Variants in PCDHGA9 observed in about 807,000 individuals in gnomAD.
The protein encoded by PCDHGA9 is protocadherin gamma subfamily A, 9, also known as protocadherin gamma-A9.
A neutral mutation model predicts 62.5 loss-of-function variants in PCDHGA9; 37 were observed. The observed-to-expected ratio is 0.59, with a 90% confidence interval of 0.46 to 0.78. The LOEUF (loss-of-function observed/expected upper bound fraction) is 0.78. Among genes scored for constraint, PCDHGA9 ranks in the 30% least tolerant of loss-of-function variants. The probability of loss-of-function intolerance (pLI) is 0.00; values close to 1 mark genes in which losing one functional copy is unlikely to be tolerated. For synonymous variants in PCDHGA9, 459 were observed against 484.6 expected, an observed-to-expected ratio of 0.95 and a Z score of 0.69; for missense variants, 1,138 against 1,166.2, an observed-to-expected ratio of 0.98 and a Z score of 0.35.
chr5:141,509,068 G>T (rs1267011061), intron 3 of PCDHGA9, among the ~76,000 whole-genome samples: 1 of 152,144 alleles, frequency 6.6e-6, no homozygotes, highest in Non-Finnish European at 1.5e-5. Context: ...TCTCAGCTCC[G>T]GGGATTTGCG....
intron 1 of PCDHGA9, chr5:141,471,515 T>C (rs931181988): frequency 2.6e-5 from 4 of 152,276 alleles, no homozygotes; most frequent in African/African-American, 9.6e-5. Context: ...GGAGTAAAAA[T>C]AACAGCGAGG....
At chr5:141,510,322 A>G (rs62379243) in intron 3 of PCDHGA9, among the ~76,000 whole-genome samples, 36,300 of 150,290 alleles carry the variant, frequency 0.24, 4,456 homozygotes, top group Admixed American at 0.32. Flanking sequence ...TTGGAAGAGC[A>G]CTCTTCACCC....
rs775104626 is a variant in PCDHGA9, at chr5:141,486,636, C to T, written c.2425-8171C>T. On this transcript the variant is annotated intron_variant, in intron 1 of 3. Transcript: ENST00000573521. This position sits in a 1 kb window ranked among gnomAD's most constrained non-coding sequence, Gnocchi z 5.0. ...TCTGACCCAGACTCTGGCTTGAATG[C>T]GCTTATCTCCTACTCACTCCTGGAG... 7 of 1,613,540 alleles carry T rather than the reference C, an allele frequency of 4.3e-6. No individual in the cohort carries two copies. The highest frequency in any genetic ancestry group is 1.3e-5 in the African/African-American group (1 of 74,926).
intron 1 of PCDHGA9, chr5:141,422,116 T>A (rs753281558): frequency 2.5e-6 from 4 of 1,604,730 alleles, no homozygotes; most frequent in Non-Finnish European, 3.4e-6. Context: ...CCAATTGGAT[T>A]CACAAACTGG....
At position 141,477,722 on chromosome 5, in the gene PCDHGA9, A is replaced by G. The variant is rs768705340; in HGVS notation, c.2425-17085A>G. 9.3e-6 allele frequency: 15 copies of G among 1,613,878 alleles called. No homozygotes were observed. In the Middle Eastern group the frequency reaches 6.6e-4, roughly 71 times the overall value. On this transcript the variant is annotated intron_variant, in intron 1 of 3. Transcript: ENST00000573521. The surrounding 1 kb of genome is among the most constrained non-coding windows in gnomAD (Gnocchi z 4.9). ...TGAGGATCGGCGGGAATTTGAATTA[A>G]CAGCTCATATCAGCGATGGGGGCAC...
chr5:141,500,189 TTTATTTATTTATTTATTTA>T (rs2099797567), intron 2 of PCDHGA9, among the ~76,000 whole-genome samples: 1 of 110,894 alleles, frequency 9.0e-6, no homozygotes, highest in Non-Finnish European at 1.8e-5. Flanking sequence ...TTTATTTTTA[TTTATTTATTTATTTATTTA>T]TTTATTTATT....
chr5:141,409,720 A>C (rs2095305667), intron 1 of PCDHGA9: 1 of 1,613,176 alleles, frequency 6.2e-7, no homozygotes, highest in Non-Finnish European at 8.5e-7. Context: ...CATACGTGTC[A>C]GTGAGCGCGC....
At position 141,485,831 on chromosome 5, in the gene PCDHGA9, C is replaced by A; in HGVS notation, c.2425-8976C>A. The A allele has an allele frequency of 6.2e-7, 1 of 1,614,080 alleles. No individual in the cohort carries two copies. Among genetic ancestry groups the A allele is most frequent in the Non-Finnish European group, 8.5e-7 (1 of 1,180,026 alleles). ...GCTGACTGCTGTCGATGGAGGGAAC[C>A]CGCCGAGATCTGGCACCGCAGAGCT... On this transcript the variant is annotated intron_variant, in intron 1 of 3. Coordinates refer to ENST00000573521, the MANE Select transcript of PCDHGA9 (RefSeq NM_018921.3). The surrounding 1 kb of genome is among the most constrained non-coding windows in gnomAD (Gnocchi z 5.7).
At chr5:141,421,934 T>C (rs1478005202) in intron 1 of PCDHGA9, 1 of 1,613,548 alleles carries the variant, frequency 6.2e-7, no homozygotes, top group Admixed American at 1.7e-5. Context: ...GTCCTCGATG[T>C]AAATGATCAC....
At chr5:141,479,986 C>T (rs2099510881) in intron 1 of PCDHGA9, among the ~76,000 whole-genome samples, 1 of 152,200 alleles carries the variant, frequency 6.6e-6, no homozygotes, top group Non-Finnish European at 1.5e-5. Flanking sequence ...CATTTACCAA[C>T]TAGGAGTCTG....
chr5:141,456,327 G>C (rs917430790), intron 1 of PCDHGA9, among the ~76,000 whole-genome samples: 1 of 152,186 alleles, frequency 6.6e-6, no homozygotes, highest in African/African-American at 2.4e-5. Flanking sequence ...TCCTGGGGTT[G>C]ATCTAAGGGT....
rs369748404 is a variant in PCDHGA9 at position 141,476,671 on chromosome 5, G to A, written c.2425-18136G>A. The A allele has an allele frequency of 6.2e-7, 1 of 1,614,128 alleles. No homozygotes were observed. Among genetic ancestry groups the A allele is most frequent in the Non-Finnish European group, 8.5e-7 (1 of 1,180,056 alleles). On this transcript the variant is annotated intron_variant, in intron 1 of 3. Coordinates refer to ENST00000573521, the MANE Select transcript of PCDHGA9 (RefSeq NM_018921.3). This position sits in a 1 kb window ranked among gnomAD's most constrained non-coding sequence, Gnocchi z 7.6. ...ATGAATACTTTGCGCTTCGCGTGCA[G>A]ACGCGGGAGGACAGCACCAAGTACG...
intron 1 of PCDHGA9, chr5:141,430,946 G>C: frequency 6.2e-7 from 1 of 1,609,494 alleles, no homozygotes. Context: ...CGCGGAGCGC[G>C]GAGTCCGCAT....
At position 141,423,431 on chromosome 5, in the gene PCDHGA9, G is replaced by A. The variant is rs1220133197; in HGVS notation, c.2424+18055G>A. On this transcript the variant is annotated intron_variant, in intron 1 of 3. Coordinates refer to ENST00000573521, the MANE Select transcript of PCDHGA9 (RefSeq NM_018921.3). ...CAGGCTTCTGAAGGCGGGTTGGCAGGTATGCCCACGTCACATTTTGTAGGC... is the reference window on the plus strand; with the variant it reads ...CAGGCTTCTGAAGGCGGGTTGGCAGATATGCCCACGTCACATTTTGTAGGC... 3 of 1,613,892 alleles carry A rather than the reference G, an allele frequency of 1.9e-6. No homozygotes were observed. Among genetic ancestry groups the A allele is most frequent in the Admixed American group, 3.3e-5 (2 of 60,012 alleles).
intron 1 of PCDHGA9, among the ~76,000 whole-genome samples, chr5:141,446,698 G>A (rs750413432): frequency 2.0e-5 from 3 of 152,186 alleles, no homozygotes; most frequent in Admixed American, 6.5e-5. Flanking sequence ...GGCTGGTCTC[G>A]AACTCTGATC....
At chr5:141,429,196 A>ACACACT in intron 1 of PCDHGA9, 1 of 151,994 alleles carries the variant, frequency 6.6e-6, no homozygotes, top group Non-Finnish European at 1.5e-5. Context: ...ACACACACAC[A>ACACACT]CACACACACG....
At chr5:141,481,779 C>T (rs1367771159) in intron 1 of PCDHGA9, among the ~76,000 whole-genome samples, 2 of 152,092 alleles carry the variant, frequency 1.3e-5, no homozygotes, top group Non-Finnish European at 2.9e-5. Flanking sequence ...TGGTGAAACC[C>T]CGTCTCTACT....
At chr5:141,483,534 G>C (rs754118568) in intron 1 of PCDHGA9, among the ~76,000 whole-genome samples, 1 of 152,102 alleles carries the variant, frequency 6.6e-6, no homozygotes, top group Non-Finnish European at 1.5e-5. Flanking sequence ...AAGGAAGCTG[G>C]GTGGTTGACA....
intron 1 of PCDHGA9, chr5:141,418,787 G>A: frequency 6.2e-7 from 1 of 1,613,794 alleles, no homozygotes; most frequent in Non-Finnish European, 8.5e-7. Context: ...TTTGGATTTT[G>A]AAGAAGTAGA....
Sources: gnomAD v4.1 joint callset for allele counts (sites outside exome capture counted in the v4.1 genomes callset) on GRCh38, gnomAD v4.1.1 for gene constraint, Gnocchi (gnomAD v3.1) non-coding constraint, MANE v1.5 for transcripts, NCBI Gene and HGNC (gene_info 2026-07-23, HGNC 2026-07-21) for gene names.